Variants in TYK2 observed in about 807,000 individuals in gnomAD.
The protein encoded by TYK2 is tyrosine kinase 2, also known as non-receptor tyrosine-protein kinase TYK2.
TYK2 carries 65 observed loss-of-function variants against 130.9 expected under a neutral mutation model. That is an observed-to-expected ratio of 0.50 (90% CI 0.41 to 0.61). The LOEUF (loss-of-function observed/expected upper bound fraction) is 0.61. Ranked by LOEUF, TYK2 falls within the 20% of genes least tolerant of loss-of-function variation. The pLI, the probability that TYK2 is intolerant of heterozygous loss-of-function variation, is 0.00. For missense variants in TYK2, 1,378 were observed against 1,610.7 expected, an observed-to-expected ratio of 0.86 and a Z score of 2.47; for synonymous variants, 647 against 658.9, an observed-to-expected ratio of 0.98 and a Z score of 0.28.
chr19:10,358,041 C>G lies in TYK2; in HGVS notation c.2273G>C (p.Ser758Thr), dbSNP rs774929306. The G allele has an allele frequency of 3.1e-6, 5 of 1,613,548 alleles. No homozygotes were observed. The highest frequency in any genetic ancestry group is 4.2e-6 in the Non-Finnish European group (5 of 1,180,008). ...AEGTSPFIKL[S>T]DPGVGLGALS... is the part of the protein sequence containing the mutation. ...GGCGCCCAGGCCCACGCCAGGATCA[C>G]TCAGCTTGATGAAGGGGCTGGTGCC... The change falls in exon 16 of 25, where the codon AGT becomes ACT. Residue 758 changes from serine (S) to threonine (T), a missense_variant. Transcript: ENST00000525621.
intron 24 of TYK2, 22 bp from the exon 25 acceptor site, chr19:10,350,990 G>A (rs771283034): frequency 1.9e-6 from 3 of 1,614,058 alleles, no homozygotes; most frequent in Admixed American, 1.7e-5. Flanking sequence ...AACCAGGGCT[G>A]GTGGGGGCTG....
At position 10,370,494 on chromosome 19, in the gene TYK2, C is replaced by A. The variant is rs1372351154; in HGVS notation, c.194-2076G>T. Among the ~76,000 whole-genome samples, 4 of 135,196 alleles carry A rather than the reference C, an allele frequency of 3.0e-5. No homozygotes were observed. The East Asian group carries it at 8.8e-4, about 30-fold the overall frequency. 88.7% of individuals were successfully genotyped at this position (135,196 alleles called of 152,430 possible). A position where few individuals can be genotyped will look rare whatever the true frequency, so the allele number is the denominator to read the frequency against. The stretch of plus-strand genomic sequence containing the variant: ...GTGCCACTGCACTCCAGCCTGGCGA[C>A]ACAGCAAGACTGTCTCAAAAAAAAA... On this transcript the variant is annotated intron_variant, in intron 3 of 24. Coordinates refer to ENST00000525621, the MANE Select transcript of TYK2 (RefSeq NM_003331.5).
intron 3 of TYK2, among the ~76,000 whole-genome samples, chr19:10,376,242 A>C: frequency 8.5e-6 from 1 of 117,586 alleles, no homozygotes; most frequent in Middle Eastern, 3.8e-3. Flanking sequence ...TGAACTCCTG[A>C]TCTCAGGTGA....
chr19:10,358,623 T>A (rs1764169242), intron 15 of TYK2, among the ~76,000 whole-genome samples: 1 of 152,142 alleles, frequency 6.6e-6, no homozygotes, highest in South Asian at 2.1e-4. Context: ...TGGCTAATTT[T>A]TTTTGTATTT....
At position 10,364,831 on chromosome 19, in the gene TYK2, G is replaced by GC; in HGVS notation, c.1209+19dup. 6.2e-7 allele frequency: 1 copy of GC among 1,613,968 alleles called. No individual in the cohort carries two copies. Among genetic ancestry groups the GC allele is most frequent in the Non-Finnish European group, 8.5e-7 (1 of 1,180,044 alleles). On this transcript the variant is annotated intron_variant, in intron 8 of 24. Transcript: ENST00000525621. This position sits in a 1 kb window ranked among gnomAD's most constrained non-coding sequence, Gnocchi z 4.9. ...CCAGGCCATGATGGGCCCTAGCCCA[G>GC]CCCCTACCCTGGGCCTCACCAGGCA... is the stretch of plus-strand genomic sequence containing the variant.
Position 10,361,557 on chromosome 19 carries a change from G to T in TYK2, c.2001C>A (p.His667Gln), listed in dbSNP as rs1180459797. Residue 667 changes from histidine to glutamine, a missense_variant, in exon 14 of 25, where the codon CAC (histidine) becomes CAA (glutamine). His to Gln is a conservative substitution (Grantham distance 24). Coordinates refer to ENST00000525621, the MANE Select transcript of TYK2 (RefSeq NM_003331.5). This position sits in a 1 kb window ranked among gnomAD's most constrained non-coding sequence, Gnocchi z 4.0. ...CGCCATGCACGAAGGCCAGGTGCGT[G>T]TGGGAGACCTGGCTCATGAGGCTGG... ...ETASLMSQVS[H>Q]THLAFVHGVC... 2 of 1,548,320 alleles carry T rather than the reference G, an allele frequency of 1.3e-6. No individual in the cohort carries two copies. The highest frequency in any genetic ancestry group is 1.4e-5 in the African/African-American group (1 of 72,982).
At chr19:10,352,610 C>CCAGGCTGAAGCCCTCACCT (rs1372853420) in intron 22 of TYK2, 59 bp from the exon 23 acceptor site, 1 of 891,850 alleles carries the variant, frequency 1.1e-6, no homozygotes, top group East Asian at 2.5e-5. Context: ...GGGGATCAGA[C>CCAGGCTGAAGCCCTCACCT]CAGGCTGAAG....
At chr19:10,375,025 G>A (rs1301830349) in intron 3 of TYK2, among the ~76,000 whole-genome samples, 2 of 152,062 alleles carry the variant, frequency 1.3e-5, no homozygotes, top group Non-Finnish European at 2.9e-5. Context: ...AAAATTATCC[G>A]GGTGTGGTGA....
chr19:10,365,935 TG>T (rs1568338525), intron 6 of TYK2, 37 bp from the exon 7 acceptor site: 3 of 1,565,714 alleles, frequency 1.9e-6, no homozygotes, highest in Non-Finnish European at 2.6e-6. Context: ...GTCAGGGACC[TG>T]GGTTGCAGGC....
intron 3 of TYK2, among the ~76,000 whole-genome samples, chr19:10,377,014 G>T (rs2042144396): frequency 1.3e-5 from 2 of 152,044 alleles, no homozygotes; most frequent in Admixed American, 6.6e-5. Context: ...CGATCCTCTT[G>T]CCTCAGGCTC....
In TYK2 at chr19:10,365,631, G is replaced by A. The variant is rs1292545158; in HGVS notation, c.897C>T (p.Ala299=). The A allele has an allele frequency of 8.1e-6, 13 of 1,613,782 alleles. No individual in the cohort carries two copies. Among genetic ancestry groups the A allele is most frequent in the Middle Eastern group, 1.6e-4 (1 of 6,084 alleles). Residue 299 remains alanine, a synonymous_variant, in exon 7 of 25, where the codon GCC becomes GCT. Coordinates refer to ENST00000525621, the MANE Select transcript of TYK2 (RefSeq NM_003331.5). The part of the protein sequence containing the change: ...EPCYIRDSGV[A]PTDPGPESAA... The stretch of plus-strand genomic sequence containing the variant: ...CAGACTCAGGGCCAGGGTCTGTAGG[G>A]GCCACCCCACTGTCCCGGATGTAGC...
At position 10,353,376 on chromosome 19, in the gene TYK2, A is replaced by G. The variant is rs1362756322; in HGVS notation, c.3027+152T>C. 1.8e-5 allele frequency: 11 copies of G among 622,770 alleles called. No homozygotes were observed. The highest frequency in any genetic ancestry group is 2.9e-5 in the Non-Finnish European group (11 of 374,556). The allele number at this position is 622,770 out of a possible 1,614,324, so 38.6% of individuals were successfully genotyped here. On this transcript the variant is annotated intron_variant, in intron 21 of 24. Coordinates refer to ENST00000525621, the MANE Select transcript of TYK2 (RefSeq NM_003331.5). The surrounding 1 kb of genome is among the most constrained non-coding windows in gnomAD (Gnocchi z 6.9). The stretch of plus-strand genomic sequence containing the variant: ...TGGGAGGAGGGGGTGTGGCCAAGCA[A>G]GCCAAACAGTTCGGAGGTCAGTGCA...
chr19:10,353,928 G>C lies in TYK2; in HGVS notation c.2908+114C>G. 8.6e-7 allele frequency: 1 copy of C among 1,163,554 alleles called. No individual in the cohort carries two copies. The highest frequency in any genetic ancestry group is 1.3e-5 in the South Asian group (1 of 78,082). 72.1% of individuals were successfully genotyped at this position (1,163,554 alleles called of 1,614,324 possible). ...CAGATGCCAAGAACCGCGTACTGCA[G>C]CCTGGGGTTGAGAGTCTCTAATTGG... On this transcript the variant is annotated intron_variant, in intron 20 of 24. Transcript: ENST00000525621. This position sits in a 1 kb window ranked among gnomAD's most constrained non-coding sequence, Gnocchi z 6.9.
At position 10,350,567 on chromosome 19, in the gene TYK2, G is replaced by A; in HGVS notation, c.*267C>T. The A allele has an allele frequency of 1.4e-5, 7 of 513,356 alleles. No homozygotes were observed. The highest frequency in any genetic ancestry group is 2.5e-5 in the Non-Finnish European group (7 of 282,832). The allele number at this position is 513,356 out of a possible 1,614,324, so 31.8% of individuals were successfully genotyped here. ...CATGAGTTTATTACCAGATGGTGGAGATGGTGGGCCTCAAGTTTGGAAGCT... is the reference window on the plus strand; with the variant it reads ...CATGAGTTTATTACCAGATGGTGGAAATGGTGGGCCTCAAGTTTGGAAGCT... On this transcript the variant is annotated 3_prime_UTR_variant, in exon 25 of 25. Transcript: ENST00000525621.
intron 3 of TYK2, among the ~76,000 whole-genome samples, chr19:10,370,428 C>T (rs934478261): frequency 3.1e-4 from 46 of 148,990 alleles, no homozygotes; most frequent in African/African-American, 1.1e-3. Context: ...GCAGGACAAT[C>T]GCTTGAACCC....
In TYK2 at chr19:10,358,004, C is replaced by G; in HGVS notation, c.2310G>C (p.Glu770Asp). 6.2e-7 allele frequency: 1 copy of G among 1,613,508 alleles called. No individual in the cohort carries two copies. Among genetic ancestry groups the G allele is most frequent in the Non-Finnish European group, 8.5e-7 (1 of 1,180,018 alleles). ...GCCCAGGTCCCCTCAGGTACTCACC[C>G]TCCCTGGAGAGGGCGCCCAGGCCCA... ...PGVGLGALSREERVERIPWLA... is the reference protein window; with the variant it reads ...PGVGLGALSRDERVERIPWLA... Residue 770 changes from glutamate (E) to aspartate (D), a missense_variant and splice_region_variant, in exon 16 of 25, where the codon GAG (glutamate) becomes GAC (aspartate). By Grantham distance (45) the Glu-to-Asp change is conservative. Transcript: ENST00000525621.
Position 10,375,653 on chromosome 19 carries a change from A to C in TYK2, c.193+2561T>G, listed in dbSNP as rs527846039. Among the ~76,000 whole-genome samples the C allele has an allele frequency of 1.1e-3, 162 of 151,704 alleles. 6 individuals carry two copies. The South Asian group carries it at 0.033, about 31-fold the overall frequency. ...AAAATTGGGCCGGGCATGGTGGCTC[A>C]CACCTGTAATCCCAGCACTTTGGAG... is the stretch of plus-strand genomic sequence containing the variant. On this transcript the variant is annotated intron_variant, in intron 3 of 24. Transcript: ENST00000525621.
chr19:10,351,030 G>A, intron 24 of TYK2, 22 bp downstream of exon 24: 7 of 1,614,162 alleles, frequency 4.3e-6, no homozygotes, highest in Non-Finnish European at 5.9e-6. Context: ...GTGGGGTCAG[G>A]GAAAGACAAA....
At chr19:10,377,327 G>GATGA (rs1484930935) in intron 3 of TYK2, among the ~76,000 whole-genome samples, 4 of 80,290 alleles carry the variant, frequency 5.0e-5, no homozygotes, top group African/African-American at 4.8e-4. Flanking sequence ...TGAACGGGTG[G>GATGA]ATGGATGGAT....
Sources: allele counts gnomAD v4.1 joint callset (sites outside exome capture counted in the v4.1 genomes callset), GRCh38; gene constraint gnomAD v4.1.1; non-coding constraint Gnocchi (gnomAD v3.1); transcripts MANE v1.5; gene names NCBI Gene and HGNC (gene_info 2026-07-23, HGNC 2026-07-21).